The following PPFIBP2 variants were observed in gnomAD, a reference collection of about 807,000 sequenced individuals.
PPFIBP2 encodes the protein PPFIB scaffold protein 2.
Under a neutral mutation model 118.3 loss-of-function variants are expected in PPFIBP2, and 118 were observed. That is an observed-to-expected ratio of 1.00 (90% CI 0.86 to 1.16). The LOEUF (loss-of-function observed/expected upper bound fraction) is 1.16, where lower values mean the gene tolerates loss of function less well. Ranked by LOEUF, PPFIBP2 falls within the 50% of genes most tolerant of loss-of-function variation. The pLI is 0.00. For synonymous variants in PPFIBP2, 414 were observed against 397.4 expected (o/e 1.04, Z -0.50); for missense variants, 1,195 against 1,073.1 (o/e 1.11, Z -1.59).
intron 18 of PPFIBP2, 68 bp from the exon 19 acceptor site, chr11:7,648,732 C>A: frequency 6.6e-7 from 1 of 1,509,336 alleles, no homozygotes; most frequent in Non-Finnish European, 9.2e-7. Context: ...TCCACCCAGA[C>A]ACAGCTTTCT....
chr11:7,577,337 G>T (rs1440674255), intron 3 of PPFIBP2: 1 of 336,464 alleles, frequency 3.0e-6, no homozygotes, highest in East Asian at 7.7e-5. Context: ...GTGTGTGTGT[G>T]TGTGTGTGTG....
chr11:7,655,319 C>A, downstream of PPFIBP2: 1 of 758,200 alleles, frequency 1.3e-6, no homozygotes, highest in Non-Finnish European at 1.9e-6. Context: ...CCTGTCCCTC[C>A]AGAGAAGCAT....
intron 1 of PPFIBP2, among the ~76,000 whole-genome samples, chr11:7,517,715 G>A (rs1206438665): frequency 1.3e-5 from 2 of 152,180 alleles, no homozygotes; most frequent in African/African-American, 2.4e-5. Context: ...GAAAAATTAG[G>A]TAAAGCAGAG....
intron 8 of PPFIBP2, among the ~76,000 whole-genome samples, chr11:7,626,570 G>A (rs1464005761): frequency 6.6e-6 from 1 of 152,144 alleles, no homozygotes; most frequent in African/African-American, 2.4e-5. Flanking sequence ...ACAATATTTG[G>A]CCCATTGTAG....
the PPFIBP2 span, chr11:7,665,508 T>A: frequency 1.2e-6 from 2 of 1,613,378 alleles, no homozygotes; most frequent in African/African-American, 1.3e-5. Context: ...TGCTCCTTGA[T>A]CATGTCGGCA....
chr11:7,519,349 G>C (rs1180706985), intron 1 of PPFIBP2, among the ~76,000 whole-genome samples: 1 of 152,188 alleles, frequency 6.6e-6, no homozygotes, highest in East Asian at 1.9e-4. Flanking sequence ...AGGTGAGCAA[G>C]AATTGCAGAG....
intron 1 of PPFIBP2, among the ~76,000 whole-genome samples, chr11:7,516,633 G>A (rs1259155302): frequency 6.6e-6 from 1 of 152,158 alleles, no homozygotes; most frequent in Non-Finnish European, 1.5e-5. Flanking sequence ...AGCACCAAGT[G>A]AGGACGAGGC....
At chr11:7,550,329 G>A (rs946794546) in intron 2 of PPFIBP2, among the ~76,000 whole-genome samples, 29 of 152,348 alleles carry the variant, frequency 1.9e-4, no homozygotes, top group Admixed American at 1.8e-3. Flanking sequence ...CTGGAAGAGA[G>A]CGTGGAGGAA....
intron 15 of PPFIBP2, 128 bp downstream of exon 15, chr11:7,639,998 A>G (rs1426509825): frequency 2.1e-5 from 28 of 1,345,034 alleles, no homozygotes; most frequent in East Asian, 2.5e-5. Flanking sequence ...TGGCTGGAAC[A>G]AGTTGTACCT....
chr11:7,579,335 A>G (rs1856919791), intron 3 of PPFIBP2, among the ~76,000 whole-genome samples: 2 of 152,230 alleles, frequency 1.3e-5, no homozygotes, highest in African/African-American at 4.8e-5. Context: ...TTATTGCTTT[A>G]GAACCCAGCA....
intron 5 of PPFIBP2, among the ~76,000 whole-genome samples, chr11:7,602,087 C>CAAAAAAAAAAAA (rs201003988): frequency 1.8e-4 from 10 of 56,176 alleles, no homozygotes; most frequent in East Asian, 8.6e-4. Flanking sequence ...GAATGAAACT[C>CAAAAAAAAAAAA]AAAAAAAAAA....
Position 7,653,075 on chromosome 11 carries a change from G to A in PPFIBP2, c.2488G>A (p.Asp830Asn), listed in dbSNP as rs770792185. 1.7e-5 allele frequency: 27 copies of A among 1,613,328 alleles called. No individual in the cohort carries two copies. Among genetic ancestry groups the A allele is most frequent in the African/African-American group, 4.0e-5 (3 of 74,922 alleles). The change falls in exon 24 of 24, where the codon GAT becomes AAT. Residue 830 changes from aspartate to asparagine, a missense_variant. By Grantham distance (23) the Asp-to-Asn change is conservative. Transcript: ENST00000299492. ...CGGAAACATAAGAAAAAAGAAGTTC[G>A]ATGAATCGACGGACTACATTTGCCC... is the stretch of plus-strand genomic sequence containing the variant. The part of the protein sequence containing the change: ...HFGNIRKKKF[D>N]ESTDYICPME...
intron 1 of PPFIBP2, among the ~76,000 whole-genome samples, chr11:7,547,868 A>G (rs1187296779): frequency 3.3e-5 from 5 of 151,990 alleles, no homozygotes; most frequent in Non-Finnish European, 7.4e-5. Flanking sequence ...CTCCACAAGC[A>G]TGGTTGCTTA....
At chr11:7,559,050 T>G (rs893219070) in intron 2 of PPFIBP2, among the ~76,000 whole-genome samples, 7 of 152,182 alleles carry the variant, frequency 4.6e-5, no homozygotes, top group African/African-American at 1.7e-4. Flanking sequence ...GGCCCAGGCA[T>G]CTGGAGTTTG....
the PPFIBP2 span, chr11:7,665,979 G>A: frequency 4.2e-6 from 6 of 1,434,370 alleles, no homozygotes; most frequent in Non-Finnish European, 5.7e-6. Context: ...AGTGTGAGAG[G>A]CGCGCCTGTG....
At chr11:7,655,662 C>A (rs567618779), downstream of PPFIBP2, among the ~76,000 whole-genome samples, 1 of 152,082 alleles carries the variant, frequency 6.6e-6, no homozygotes, top group Non-Finnish European at 1.5e-5. Flanking sequence ...CAGAAAGCAG[C>A]CCAGGGGCCT....
At chr11:7,590,403 G>A (rs61890236) in intron 3 of PPFIBP2, among the ~76,000 whole-genome samples, 1,570 of 152,234 alleles carry the variant, frequency 0.01, 11 homozygotes, top group Non-Finnish European at 0.017. Context: ...ACCTGTAGAA[G>A]AGGAAGATGC....
chr11:7,593,132 T>C lies in PPFIBP2; in HGVS notation c.280T>C (p.Ser94Pro), dbSNP rs1182183860. The C allele has an allele frequency of 6.2e-7, 1 of 1,613,800 alleles. No homozygotes were observed. Residue 94 changes from serine (S) to proline (P), a missense_variant and splice_region_variant, in exon 4 of 24, where the codon TCC (serine) becomes CCC (proline). By Grantham distance (74) the Ser-to-Pro change is moderately conservative. Transcript: ENST00000299492. The part of the protein sequence containing the change: ...YIKEWFEESL[S>P]QVNHHSAASN... ...ATTCTTTTTTTTCTGTCCTCTTTAG[T>C]CCCAGGTAAACCACCACAGTGCTGC...
intron 7 of PPFIBP2, among the ~76,000 whole-genome samples, chr11:7,624,519 G>A (rs766430611): frequency 6.6e-6 from 1 of 152,168 alleles, no homozygotes; most frequent in Non-Finnish European, 1.5e-5. Flanking sequence ...GGCCTTTGTG[G>A]AATTGAACAG....
Sources: allele counts gnomAD v4.1 joint callset (sites outside exome capture counted in the v4.1 genomes callset), GRCh38; gene constraint gnomAD v4.1.1; transcripts MANE v1.5; gene names NCBI Gene and HGNC (gene_info 2026-07-23, HGNC 2026-07-21).